PCSK5: variants seen among roughly 807,000 people sequenced by gnomAD.
PCSK5 encodes prohormone convertase 5.
PCSK5 carries 129 observed loss-of-function variants against 233.2 expected under a neutral mutation model. That is an observed-to-expected ratio of 0.55 (90% CI 0.48 to 0.64). PCSK5 has a LOEUF of 0.64. Ranked by LOEUF, PCSK5 falls within the 30% of genes least tolerant of loss-of-function variation. The pLI, the probability that PCSK5 is intolerant of heterozygous loss-of-function variation, is 0.00. For synonymous variants in PCSK5, 825 were observed against 879.2 expected, an observed-to-expected ratio of 0.94 and a Z score of 1.09; for missense variants, 2,076 against 2,430.1, an observed-to-expected ratio of 0.85 and a Z score of 3.06.
intron 37 of PCSK5, among the ~76,000 whole-genome samples, chr9:76,355,295 A>G (rs1390550438): frequency 6.6e-6 from 1 of 152,128 alleles, no homozygotes; most frequent in East Asian, 1.9e-4. Context: ...ACATAGTGAA[A>G]CCCTGTCTCT....
intron 15 of PCSK5, among the ~76,000 whole-genome samples, chr9:76,180,670 T>G (rs2131215488): frequency 6.6e-6 from 1 of 152,224 alleles, no homozygotes; most frequent in South Asian, 2.1e-4. Context: ...TGCCACACGG[T>G]TCCTCCATAC....
chr9:76,076,230 G>A (rs1830641901), intron 7 of PCSK5, among the ~76,000 whole-genome samples: 1 of 152,172 alleles, frequency 6.6e-6, no homozygotes, highest in African/African-American at 2.4e-5. Context: ...CTGGGGGCAA[G>A]GTGGAACAGG....
At chr9:76,134,050 T>G (rs1035680814) in intron 9 of PCSK5, 59 bp from the exon 10 acceptor site, 8 of 1,107,236 alleles carry the variant, frequency 7.2e-6, no homozygotes, top group Non-Finnish European at 8.0e-6. Flanking sequence ...CTTGTGACTC[T>G]CTGCTTCCCC....
chr9:76,030,165 AT>A (rs2131503073), intron 5 of PCSK5, among the ~76,000 whole-genome samples: 2 of 151,598 alleles, frequency 1.3e-5, no homozygotes, highest in South Asian at 4.2e-4. Context: ...AAAAAAAAAA[AT>A]CTAAAAAGTT....
At chr9:76,113,376 C>G (rs1463066398) in intron 9 of PCSK5, among the ~76,000 whole-genome samples, 1 of 152,202 alleles carries the variant, frequency 6.6e-6, no homozygotes, top group Non-Finnish European at 1.5e-5. Context: ...GGAAATTAAA[C>G]TGACCATCTG....
chr9:75,975,877 T>A (rs1473646872), intron 2 of PCSK5, among the ~76,000 whole-genome samples: 3 of 152,242 alleles, frequency 2.0e-5, no homozygotes, highest in Non-Finnish European at 4.4e-5. Context: ...AATGAAGTCA[T>A]GCCACTGTGT....
intron 9 of PCSK5, among the ~76,000 whole-genome samples, chr9:76,123,301 TCCC>T (rs1454578573): frequency 3.3e-5 from 5 of 152,202 alleles, no homozygotes; most frequent in Non-Finnish European, 5.9e-5. Context: ...CAATGAATCC[TCCC>T]ATTCATGAAT....
intron 22 of PCSK5, among the ~76,000 whole-genome samples, chr9:76,236,429 C>T (rs925329702): frequency 4.6e-5 from 7 of 152,184 alleles, no homozygotes; most frequent in African/African-American, 1.4e-4. Context: ...CATTTGAACT[C>T]TTGTCGCCTG....
chr9:75,938,065 T>A (rs1245393758), intron 2 of PCSK5, among the ~76,000 whole-genome samples: 4 of 152,228 alleles, frequency 2.6e-5, no homozygotes, highest in Non-Finnish European at 4.4e-5. Flanking sequence ...TTAATTTCTT[T>A]TAAGAACTTT....
chr9:75,935,570 A>C (rs909200127), intron 2 of PCSK5, among the ~76,000 whole-genome samples: 1 of 152,178 alleles, frequency 6.6e-6, no homozygotes, highest in African/African-American at 2.4e-5. Context: ...TAATCTACAG[A>C]CTTTATCCAA....
At chr9:76,190,264 T>C (rs1824307208) in intron 20 of PCSK5, among the ~76,000 whole-genome samples, 1 of 151,964 alleles carries the variant, frequency 6.6e-6, no homozygotes, top group South Asian at 2.1e-4. Flanking sequence ...TATAGCGCCA[T>C]GCAAAGTAGT....
chr9:75,913,366 T>C (rs1249495390), intron 1 of PCSK5, among the ~76,000 whole-genome samples: 1 of 152,196 alleles, frequency 6.6e-6, no homozygotes, highest in Non-Finnish European at 1.5e-5. Flanking sequence ...GCACTTGAGG[T>C]AGGGGATGAT....
chr9:76,344,095 C>G (rs753559134), intron 35 of PCSK5, among the ~76,000 whole-genome samples: 1 of 152,164 alleles, frequency 6.6e-6, no homozygotes, highest in Non-Finnish European at 1.5e-5. Flanking sequence ...ATGTACAGCA[C>G]AACTCAAGTT....
At chr9:76,261,380 C>T (rs1056118512) in intron 24 of PCSK5, among the ~76,000 whole-genome samples, 1 of 152,174 alleles carries the variant, frequency 6.6e-6, no homozygotes, top group African/African-American at 2.4e-5. Context: ...ACCCTAAAGA[C>T]ACTGCCAAAA....
chr9:75,999,736 T>C (rs1397448310), intron 3 of PCSK5, among the ~76,000 whole-genome samples: 2 of 152,238 alleles, frequency 1.3e-5, no homozygotes, highest in Non-Finnish European at 2.9e-5. Context: ...ATTTTGTTTA[T>C]GGCCAGTTTT....
chr9:76,263,715 A>T (rs554713521), intron 24 of PCSK5, among the ~76,000 whole-genome samples: 2 of 152,180 alleles, frequency 1.3e-5, no homozygotes, highest in East Asian at 3.9e-4. Flanking sequence ...CCAGCATGGC[A>T]CATGTATACA....
rs1563988616 is a variant in PCSK5, at chr9:76,040,377, CTCTCTCTG to C, written c.632+13348_632+13355del. ...TCTCTCTCTCTCTCTCTCTCTCTCT[CTCTCTCTG>C]TCTCTCTCTCTCTCTCTCTCTCTCT... is the stretch of plus-strand genomic sequence containing the variant. On this transcript the variant is annotated intron_variant, in intron 5 of 37. Coordinates refer to ENST00000674117, the MANE Select transcript of PCSK5 (RefSeq NM_001372043.1). Among the ~76,000 whole-genome samples the C allele has an allele frequency of 3.7e-3, 222 of 59,768 alleles. 3 individuals are homozygous for C. Among genetic ancestry groups the C allele is most frequent in the East Asian group, 0.013 (21 of 1,670 alleles). The allele number at this position is 59,768 out of a possible 152,430, so 39.2% of individuals were successfully genotyped here.
chr9:76,091,116 G>A lies in PCSK5; in HGVS notation c.895-4774G>A, dbSNP rs547675491. The stretch of plus-strand genomic sequence containing the variant: ...ACCACCCACCTCCTGCTGTGTGGCC[G>A]GATTCCTAACAAGCCACGGATCAAT... On this transcript the variant is annotated intron_variant, in intron 7 of 37. Coordinates refer to ENST00000674117, the MANE Select transcript of PCSK5 (RefSeq NM_001372043.1). Among the ~76,000 whole-genome samples, 22 of 152,258 alleles carry A rather than the reference G, an allele frequency of 1.4e-4. No homozygotes were observed. The South Asian group carries it at 2.7e-3, about 19-fold the overall frequency.
intron 9 of PCSK5, among the ~76,000 whole-genome samples, chr9:76,109,625 T>C (rs1006837157): frequency 2.6e-5 from 4 of 151,404 alleles, no homozygotes; most frequent in Non-Finnish European, 4.4e-5. Context: ...GACACAACTG[T>C]GATGAGTAGA....
Sources: allele counts gnomAD v4.1 joint callset (sites outside exome capture counted in the v4.1 genomes callset), GRCh38; gene constraint gnomAD v4.1.1; transcripts MANE v1.5; gene names NCBI Gene and HGNC (gene_info 2026-07-23, HGNC 2026-07-21).